The following SP4 variants were observed in gnomAD, a reference collection of about 807,000 sequenced individuals.
SP4 encodes Sp4 transcription factor.
A neutral mutation model predicts 72.8 loss-of-function variants in SP4; 19 were observed. The observed-to-expected ratio is 0.26, with a 90% CI of 0.18 to 0.38. The LOEUF (loss-of-function observed/expected upper bound fraction) is 0.38, where lower values mean the gene tolerates loss of function less well. Ranked by LOEUF, SP4 falls within the 10% of genes least tolerant of loss-of-function variation. The probability of loss-of-function intolerance (pLI) is 1.00; values close to 1 mark genes in which losing one functional copy is unlikely to be tolerated. For missense variants in SP4, 1,008 were observed against 926.3 expected (o/e 1.09, Z -1.14); for synonymous variants, 395 against 333.1 (o/e 1.19, Z -2.02).
chr7:21,473,442 T>C (rs902541177), intron 3 of SP4, among the ~76,000 whole-genome samples: 3 of 152,222 alleles, frequency 2.0e-5, no homozygotes, highest in Admixed American at 6.5e-5. Context: ...GGCACTGTTA[T>C]TGAGTTATTA....
chr7:21,502,041 C>CCA (rs1491504580), intron 5 of SP4, among the ~76,000 whole-genome samples: 439 of 29,842 alleles, frequency 0.015, 1 homozygote, highest in Non-Finnish European at 0.023. Context: ...TCATTAGGCA[C>CCA]CCCCCCCCCC....
At chr7:21,441,108 G>C (rs1380285214) in intron 3 of SP4, among the ~76,000 whole-genome samples, 3 of 152,212 alleles carry the variant, frequency 2.0e-5, no homozygotes, top group African/African-American at 7.2e-5. Flanking sequence ...ACAAGTGTGA[G>C]AGCTCAGAAG....
chr7:21,440,947 A>G (rs1269519540), intron 3 of SP4, among the ~76,000 whole-genome samples: 1 of 152,210 alleles, frequency 6.6e-6, no homozygotes. Context: ...TGTCTGATTA[A>G]CCCTTGTTAG....
chr7:21,507,063 T>A (rs1470788239), intron 5 of SP4, among the ~76,000 whole-genome samples: 1 of 152,294 alleles, frequency 6.6e-6, no homozygotes, highest in African/African-American at 2.4e-5. Flanking sequence ...ATCATTCCCC[T>A]TTCTCTTCCT....
At chr7:21,460,728 C>A (rs1283481323) in intron 3 of SP4, among the ~76,000 whole-genome samples, 1 of 152,120 alleles carries the variant, frequency 6.6e-6, no homozygotes, top group East Asian at 1.9e-4. Context: ...GAGCTAGACA[C>A]AAAAGTTCTC....
chr7:21,512,709 C>A lies in SP4; in HGVS notation c.*1440C>A, dbSNP rs996086040. On this transcript the variant is annotated 3_prime_UTR_variant, in exon 6 of 6. Coordinates refer to ENST00000222584, the MANE Select transcript of SP4 (RefSeq NM_003112.5). ...CCTGAGTAGCTGGGATTAACAGGCGCCTGCCACCATGCCTGGCTAATTTTT... is the reference window on the plus strand; with the variant it reads ...CCTGAGTAGCTGGGATTAACAGGCGACTGCCACCATGCCTGGCTAATTTTT... 2.0e-5 allele frequency: 3 copies of A among 152,128 alleles called. No homozygotes were observed. The highest frequency in any genetic ancestry group is 6.6e-5 in the Admixed American group (1 of 15,256). The allele number at this position is 152,128 out of a possible 1,614,324, so 9.4% of individuals were successfully genotyped here.
At chr7:21,464,634 C>T (rs890005880) in intron 3 of SP4, among the ~76,000 whole-genome samples, 1 of 149,340 alleles carries the variant, frequency 6.7e-6, no homozygotes, top group South Asian at 2.1e-4. Context: ...TGGCTAGACT[C>T]AAACTCCTGG....
At chr7:21,507,281 A>T (rs1000119124) in intron 5 of SP4, among the ~76,000 whole-genome samples, 1 of 152,242 alleles carries the variant, frequency 6.6e-6, no homozygotes, top group Non-Finnish European at 1.5e-5. Flanking sequence ...AAGAGGGAAC[A>T]TGCTAGGTGC....
chr7:21,508,430 G>A (rs1030534873), intron 5 of SP4, among the ~76,000 whole-genome samples: 6 of 152,140 alleles, frequency 3.9e-5, no homozygotes, highest in African/African-American at 1.4e-4. Context: ...TGGTTCAAGC[G>A]ATTCTCCTGC....
intron 3 of SP4, among the ~76,000 whole-genome samples, chr7:21,434,765 C>T (rs1782991149): frequency 6.6e-6 from 1 of 152,084 alleles, no homozygotes; most frequent in Non-Finnish European, 1.5e-5. Flanking sequence ...CTGCCCTCCA[C>T]CTTTTGTAGT....
At chr7:21,482,692 T>A in intron 5 of SP4, 1 of 982,152 alleles carries the variant, frequency 1.0e-6, no homozygotes, top group Non-Finnish European at 1.2e-6. Flanking sequence ...TGTGTCTAAG[T>A]TTTACGTACA....
rs908213221 is a variant in SP4 at position 21,481,958 on chromosome 7, A to G, written c.1942A>G (p.Ile648Val). ...TGAACCAGGAAAAAAGAAGCAGCAT[A>G]TCTGTCATATTGAAGGATGTGGTAA... ...SNEPGKKKQH[I>V]CHIEGCGKVY... is the part of the protein sequence containing the mutation. The change falls in exon 5 of 6, where the codon ATC becomes GTC. Residue 648 changes from isoleucine to valine, a missense_variant. This residue lies in a region of SP4 where 48 missense variants were observed against 117.0 expected (regional missense o/e 0.41). Transcript: ENST00000222584. 13 of 1,613,954 alleles carry G rather than the reference A, an allele frequency of 8.1e-6. No individual in the cohort carries two copies. The African/African-American group carries it at 1.6e-4, about 20-fold the overall frequency.
At chr7:21,487,578 C>G (rs1055896030) in intron 5 of SP4, among the ~76,000 whole-genome samples, 1 of 151,860 alleles carries the variant, frequency 6.6e-6, no homozygotes, top group Non-Finnish European at 1.5e-5. Context: ...TTTTGTTTTA[C>G]TGCATTTTGT....
chr7:21,458,577 C>T (rs2128401079), intron 3 of SP4, among the ~76,000 whole-genome samples: 1 of 152,284 alleles, frequency 6.6e-6, no homozygotes, highest in Non-Finnish European at 1.5e-5. Context: ...CTCATCTCTT[C>T]TCCCTTCACC....
At chr7:21,497,733 TGATGTAGTCATCTATTTATA>T (rs1781757909) in intron 5 of SP4, among the ~76,000 whole-genome samples, 1 of 152,220 alleles carries the variant, frequency 6.6e-6, no homozygotes, top group African/African-American at 2.4e-5. Flanking sequence ...ATCTGGATCT[TGATGTAGTCATCTATTTATA>T]GATGATAGTT....
intron 5 of SP4, among the ~76,000 whole-genome samples, chr7:21,503,703 A>G (rs1296277456): frequency 6.6e-6 from 1 of 152,176 alleles, no homozygotes; most frequent in Non-Finnish European, 1.5e-5. Flanking sequence ...ATCACCAGTA[A>G]ATACTTTAGT....
chr7:21,443,037 A>G (rs901756223), intron 3 of SP4, among the ~76,000 whole-genome samples: 1 of 152,234 alleles, frequency 6.6e-6, no homozygotes, highest in Admixed American at 6.5e-5. Context: ...TGCCTGGCTC[A>G]ATTAGTATTT....
At chr7:21,501,001 C>A (rs1340205331) in intron 5 of SP4, among the ~76,000 whole-genome samples, 1 of 152,032 alleles carries the variant, frequency 6.6e-6, no homozygotes, top group Non-Finnish European at 1.5e-5. Context: ...GCAGGCACAC[C>A]CAGGGCAGTT....
chr7:21,502,569 T>A lies in SP4; in HGVS notation c.2108-8453T>A, dbSNP rs532420969. On this transcript the variant is annotated intron_variant, in intron 5 of 5. Transcript: ENST00000222584. ...TAGGGGAAATGGAACCACCCATGCC[T>A]GAGGTCCTCCCGCAGCACATGCATA... 3.5e-4 allele frequency among the ~76,000 whole-genome samples: 53 copies of A among 152,274 alleles called. 1 individual carries two copies. In the South Asian group the frequency reaches 8.5e-3, roughly 24 times the overall value.
Sources: allele counts gnomAD v4.1 joint callset (sites outside exome capture counted in the v4.1 genomes callset), GRCh38; gene constraint gnomAD v4.1.1; regional missense constraint gnomAD v4.1.1; transcripts MANE v1.5; gene names NCBI Gene and HGNC (gene_info 2026-07-23, HGNC 2026-07-21).